Variants in AGBL1 observed in about 807,000 individuals in gnomAD.
The protein encoded by AGBL1 is AGBL carboxypeptidase 1, also known as cytosolic carboxypeptidase 4.
A neutral mutation model predicts 118.9 loss-of-function variants in AGBL1; 130 were observed. That is an observed-to-expected ratio of 1.09 (90% CI 0.95 to 1.26). AGBL1 has a LOEUF of 1.26. Among genes scored for constraint, AGBL1 ranks in the 50% most tolerant of loss-of-function variants. AGBL1 has a pLI of 0.00. For synonymous variants in AGBL1, 555 were observed against 478.9 expected, an observed-to-expected ratio of 1.16 and a Z score of -2.08; for missense variants, 1,584 against 1,298.1, an observed-to-expected ratio of 1.22 and a Z score of -3.38.
intron 1 of AGBL1, among the ~76,000 whole-genome samples, chr15:86,128,831 C>G (rs1358733910): frequency 6.6e-6 from 1 of 152,122 alleles, no homozygotes; most frequent in Non-Finnish European, 1.5e-5. Flanking sequence ...ATACCTGAAA[C>G]ATTAGTTGAG....
At chr15:86,123,359 C>T (rs1216428138) in intron 1 of AGBL1, among the ~76,000 whole-genome samples, 2 of 152,162 alleles carry the variant, frequency 1.3e-5, no homozygotes, top group African/African-American at 2.4e-5. Flanking sequence ...CCTGCCTCAG[C>T]CTCCTGAGTA....
chr15:86,865,550 T>A (rs759444811), intron 22 of AGBL1, among the ~76,000 whole-genome samples: 5 of 152,220 alleles, frequency 3.3e-5, no homozygotes, highest in Admixed American at 1.3e-4. Context: ...ATAAATAGTT[T>A]AAGCGGATGA....
intron 22 of AGBL1, among the ~76,000 whole-genome samples, chr15:86,794,866 A>G (rs77484838): frequency 0.055 from 8,299 of 152,268 alleles, 380 homozygotes; most frequent in East Asian, 0.13. Flanking sequence ...TGCTAGTTTT[A>G]TATTTTTTCT....
intron 18 of AGBL1, among the ~76,000 whole-genome samples, chr15:86,499,531 CT>C (rs2082894001): frequency 6.6e-6 from 1 of 151,806 alleles, no homozygotes; most frequent in Admixed American, 6.6e-5. Flanking sequence ...AAGAGGTTGC[CT>C]GGTAGGAGCT....
intron 5 of AGBL1, among the ~76,000 whole-genome samples, chr15:86,187,820 A>T (rs559230236): frequency 7.2e-5 from 11 of 152,258 alleles, no homozygotes; most frequent in Non-Finnish European, 1.6e-4. Flanking sequence ...AGCTATCTGT[A>T]TTGACATTTG....
At chr15:86,570,833 C>T (rs1456457661) in intron 21 of AGBL1, among the ~76,000 whole-genome samples, 1 of 152,100 alleles carries the variant, frequency 6.6e-6, no homozygotes, top group Non-Finnish European at 1.5e-5. Flanking sequence ...TGCTTGGGCC[C>T]TCTGGGCTTG....
intron 18 of AGBL1, among the ~76,000 whole-genome samples, chr15:86,520,369 G>A (rs2083172385): frequency 6.6e-6 from 1 of 152,164 alleles, no homozygotes; most frequent in Admixed American, 6.5e-5. Flanking sequence ...TTTCACACAT[G>A]AGAATGTTGA....
At chr15:86,420,652 T>C (rs1206537174) in intron 18 of AGBL1, among the ~76,000 whole-genome samples, 1 of 152,038 alleles carries the variant, frequency 6.6e-6, no homozygotes, top group Non-Finnish European at 1.5e-5. Context: ...AGGTGGTTAA[T>C]CACAAACTCC....
chr15:86,526,544 G>GTGTATATATATATATA (rs754816154), intron 19 of AGBL1, among the ~76,000 whole-genome samples: 4 of 119,438 alleles, frequency 3.3e-5, no homozygotes, highest in African/African-American at 1.3e-4. Context: ...TTGTGTCTGT[G>GTGTATATATATATATA]TATATATATA....
intron 18 of AGBL1, among the ~76,000 whole-genome samples, chr15:86,404,693 T>A (rs2142000919): frequency 6.6e-6 from 1 of 152,316 alleles, no homozygotes; most frequent in African/African-American, 2.4e-5. Context: ...TTCAGTCTCA[T>A]TTGTTTCTTG....
At chr15:86,195,199 A>G (rs1035180649) in intron 5 of AGBL1, among the ~76,000 whole-genome samples, 4 of 152,202 alleles carry the variant, frequency 2.6e-5, no homozygotes, top group African/African-American at 9.7e-5. Flanking sequence ...TCTATAGGAA[A>G]GACAGATGTT....
intron 22 of AGBL1, among the ~76,000 whole-genome samples, chr15:86,817,640 C>CAG (rs2078883374): frequency 6.8e-6 from 1 of 146,240 alleles, no homozygotes; most frequent in Non-Finnish European, 1.5e-5. Context: ...CACACACACA[C>CAG]ACACACAGAC....
chr15:86,295,288 C>G lies in AGBL1; in HGVS notation c.2254C>G (p.Leu752Val), dbSNP rs186551539. Residue 752 changes from leucine to valine, a missense_variant, in exon 17 of 23, where the codon CTC (leucine) becomes GTC (valine). Leu to Val is a conservative substitution (Grantham distance 32). Coordinates refer to ENST00000614907, the MANE Select transcript of AGBL1 (RefSeq NM_001386094.1). ...HLDILEKSVN[L>V]KEVYFRQDVL... ...TGACATCCTGGAAAAGAGTGTCAAC[C>G]TCAAAGAGGTCTACTTCCGGCAAGA... 1.2e-6 allele frequency: 2 copies of G among 1,613,564 alleles called. No homozygotes were observed. The highest frequency in any genetic ancestry group is 2.7e-5 in the African/African-American group (2 of 74,898).
At chr15:86,082,956 T>G (rs1226082875) in intron 1 of AGBL1, among the ~76,000 whole-genome samples, 1 of 152,244 alleles carries the variant, frequency 6.6e-6, no homozygotes, top group Non-Finnish European at 1.5e-5. Flanking sequence ...CCTCGACCTC[T>G]CTGAGCCTCC....
At chr15:86,654,457 C>A (rs2085429661) in intron 21 of AGBL1, among the ~76,000 whole-genome samples, 1 of 152,154 alleles carries the variant, frequency 6.6e-6, no homozygotes, top group African/African-American at 2.4e-5. Flanking sequence ...TAGCTGTGAG[C>A]TACCAGGCTG....
chr15:86,808,519 A>G (rs2078747044), intron 22 of AGBL1, among the ~76,000 whole-genome samples: 1 of 152,158 alleles, frequency 6.6e-6, no homozygotes, highest in South Asian at 2.1e-4. Flanking sequence ...TGAAAAACTG[A>G]TTTTTACTCA....
intron 21 of AGBL1, among the ~76,000 whole-genome samples, chr15:86,649,019 T>C (rs1242173538): frequency 6.6e-6 from 1 of 151,974 alleles, no homozygotes; most frequent in Non-Finnish European, 1.5e-5. Context: ...TTTTAAGAGA[T>C]GGAGAAATGA....
chr15:86,538,929 T>C (rs987522109), intron 19 of AGBL1, among the ~76,000 whole-genome samples: 1 of 152,154 alleles, frequency 6.6e-6, no homozygotes, highest in African/African-American at 2.4e-5. Flanking sequence ...AGGAAGGAGA[T>C]GAGGAAGGCA....
intron 18 of AGBL1, among the ~76,000 whole-genome samples, chr15:86,410,700 C>CT (rs1229323286): frequency 6.8e-6 from 1 of 146,928 alleles, no homozygotes; most frequent in East Asian, 2.0e-4. Context: ...TCTTAATAAT[C>CT]TTTTTCCTGC....
Sources: allele counts gnomAD v4.1 joint callset (sites outside exome capture counted in the v4.1 genomes callset), GRCh38; gene constraint gnomAD v4.1.1; transcripts MANE v1.5; gene names NCBI Gene and HGNC (gene_info 2026-07-23, HGNC 2026-07-21).